ZMYM6: variants seen among roughly 807,000 people sequenced by gnomAD.
ZMYM6 encodes zinc finger MYM-type protein 6.
In ZMYM6, 90 loss-of-function variants were observed where a neutral mutation model predicts 134.0. The observed-to-expected ratio is 0.67, with a 90% CI of 0.57 to 0.80. ZMYM6 has a LOEUF of 0.80. Ranked by LOEUF, ZMYM6 falls within the 30% of genes least tolerant of loss-of-function variation. The pLI is 0.00. For missense variants in ZMYM6, 1,362 were observed against 1,533.9 expected (o/e 0.89, Z 1.87); for synonymous variants, 481 against 524.1 (o/e 0.92, Z 1.12).
chr1:35,017,020 T>TA (rs1255295577), intron 4 of ZMYM6, among the ~76,000 whole-genome samples: 1 of 148,772 alleles, frequency 6.7e-6, no homozygotes, highest in Non-Finnish European at 1.5e-5. Context: ...AAAAAAAAAA[T>TA]CCCCAAACCA....
At chr1:34,997,512 C>A (rs1418538328) in intron 14 of ZMYM6, among the ~76,000 whole-genome samples, 3 of 152,130 alleles carry the variant, frequency 2.0e-5, no homozygotes. Flanking sequence ...ACCATGTTGG[C>A]CAGGCTGGTC....
Position 35,005,273 on chromosome 1 carries a change from C to G in ZMYM6, c.1814-1G>C, listed in dbSNP as rs1296547383. On this transcript the variant is annotated splice_acceptor_variant, in intron 12 of 15. Coordinates refer to ENST00000357182, the MANE Select transcript of ZMYM6 (RefSeq NM_007167.4). LOFTEE classifies it high-confidence loss of function. ...GCAGTTTTTGCTTTAGAAATATTTA[C>G]TGATTAAAATAAAAAGTTAAGATCT... 11 of 1,613,478 alleles carry G rather than the reference C, an allele frequency of 6.8e-6. No homozygotes were observed. Among genetic ancestry groups the G allele is most frequent in the Non-Finnish European group, 9.3e-6 (11 of 1,179,788 alleles).
At position 35,008,122 on chromosome 1, in the gene ZMYM6, A is replaced by C. The variant is rs548882659; in HGVS notation, c.1665+630T>G. 2.4e-3 allele frequency among the ~76,000 whole-genome samples: 369 copies of C among 152,264 alleles called. 1 individual carries two copies. The highest frequency in any genetic ancestry group is 8.5e-3 in the African/African-American group (354 of 41,560). On this transcript the variant is annotated intron_variant, in intron 11 of 15. Transcript: ENST00000357182. ...AGAAAAACAAACAGTGATTTACCAGAGTGTTATAGATGCTGTCTTGCTGTC... is the reference window on the plus strand; with the variant it reads ...AGAAAAACAAACAGTGATTTACCAGCGTGTTATAGATGCTGTCTTGCTGTC...
intron 4 of ZMYM6, among the ~76,000 whole-genome samples, chr1:35,015,648 C>T (rs1452080477): frequency 1.0e-4 from 15 of 143,226 alleles, no homozygotes; most frequent in Non-Finnish European, 1.8e-4. Flanking sequence ...CACTTGAACC[C>T]GGGAGGTGGA....
chr1:35,013,961 A>T (rs910005327), intron 6 of ZMYM6, among the ~76,000 whole-genome samples: 5 of 152,220 alleles, frequency 3.3e-5, no homozygotes, highest in African/African-American at 1.2e-4. Context: ...AAGTGCTGGG[A>T]TTACAGGCGT....
At position 34,999,815 on chromosome 1, in the gene ZMYM6, G is replaced by A. The variant is rs12038428; in HGVS notation, c.1992+4153C>T. Among the ~76,000 whole-genome samples the A allele has an allele frequency of 1.4e-4, 22 of 152,200 alleles. No homozygotes were observed. The East Asian group carries it at 3.9e-3, about 27-fold the overall frequency. Reference sequence around the variant, plus strand: ...ATAACTGTTGGTAGGGATAAAAGTTGGAACAGCCCTAAAAATGAAAATGCT... The same window carrying A: ...ATAACTGTTGGTAGGGATAAAAGTTAGAACAGCCCTAAAAATGAAAATGCT... On this transcript the variant is annotated intron_variant, in intron 14 of 15. Transcript: ENST00000357182.
chr1:34,987,084 G>T lies in ZMYM6; in HGVS notation c.*20C>A. 6.7e-7 allele frequency: 1 copy of T among 1,483,564 alleles called. No homozygotes were observed. The highest frequency in any genetic ancestry group is 9.0e-7 in the Non-Finnish European group (1 of 1,110,266). 91.9% of individuals were successfully genotyped at this position (1,483,564 alleles called of 1,614,324 possible). ...TTAACACAGGATTATTGACTTCACT[G>T]TTAAGCAATGTGCATATTGCTACTC... On this transcript the variant is annotated 3_prime_UTR_variant, in exon 16 of 16. Transcript: ENST00000357182.
chr1:35,019,223 T>C, intron 4 of ZMYM6, 130 bp downstream of exon 4: 1 of 1,338,370 alleles, frequency 7.5e-7, no homozygotes, highest in Non-Finnish European at 1.0e-6. Flanking sequence ...GGTGAATTCT[T>C]CCATTAACTA....
intron 12 of ZMYM6, 54 bp downstream of exon 12, chr1:35,006,897 C>T: frequency 6.8e-7 from 1 of 1,474,776 alleles, no homozygotes; most frequent in African/African-American, 1.4e-5. Flanking sequence ...ACTGTATATG[C>T]TGATAGTGTC....
chr1:35,017,288 C>T (rs1641218817), intron 4 of ZMYM6: 1 of 152,154 alleles, frequency 6.6e-6, no homozygotes, highest in African/African-American at 2.4e-5. Context: ...TAAAACTCAA[C>T]TTTAAAAATA....
At chr1:35,013,936 C>T (rs1481689877) in intron 6 of ZMYM6, among the ~76,000 whole-genome samples, 4 of 152,150 alleles carry the variant, frequency 2.6e-5, no homozygotes, top group East Asian at 3.9e-4. Context: ...GTGATCCACC[C>T]GCCTTGACCT....
chr1:35,001,574 TA>T (rs1329116933), intron 14 of ZMYM6, among the ~76,000 whole-genome samples: 4 of 152,286 alleles, frequency 2.6e-5, no homozygotes, highest in African/African-American at 7.2e-5. Context: ...TTTTTATGAA[TA>T]CATGTTAATA....
chr1:34,992,236 G>A lies in ZMYM6; in HGVS notation c.2144C>T (p.Thr715Ile). 1 of 1,613,960 alleles carries A rather than the reference G, an allele frequency of 6.2e-7. No individual in the cohort carries two copies. The highest frequency in any genetic ancestry group is 8.5e-7 in the Non-Finnish European group (1 of 1,179,902). ...KPHTQHKECQTDLPMPNEKND... is the reference protein window; with the variant it reads ...KPHTQHKECQIDLPMPNEKND... ...TGGGAACGCACAAGGATACATACCT[G>A]TCTGACATTCTTTGTGCTGTGTATG... The change falls in exon 15 of 16, where the codon ACA becomes ATA. Residue 715 changes from threonine (T) to isoleucine (I), a missense_variant and splice_region_variant. Physicochemically the swap from Thr to Ile is moderately conservative, Grantham distance 89 (BLOSUM62 -1). Transcript: ENST00000357182.
chr1:35,024,826 A>G (rs1641377965), intron 2 of ZMYM6, among the ~76,000 whole-genome samples: 1 of 151,612 alleles, frequency 6.6e-6, no homozygotes, highest in Non-Finnish European at 1.5e-5. Context: ...TATGCTCCCA[A>G]TGCACCTCAC....
rs781065682 is a variant in ZMYM6, at chr1:34,987,496, G to T, written c.3586C>A (p.Gln1196Lys). The change falls in exon 16 of 16, where the codon CAA becomes AAA. Residue 1196 changes from glutamine (Q) to lysine (K), a missense_variant. Transcript: ENST00000357182. ...IIFEHLEGLS[Q>K]VFSDCFPPEQ... ...GGTGGAAAACAGTCACTGAACACTTGAGAAAGTCCTTCCAGGTGCTCAAAA... is the reference window on the plus strand; with the variant it reads ...GGTGGAAAACAGTCACTGAACACTTTAGAAAGTCCTTCCAGGTGCTCAAAA... 3.7e-6 allele frequency: 6 copies of T among 1,613,036 alleles called. No homozygotes were observed. In the African/African-American group the frequency reaches 8.0e-5, roughly 22 times the overall value.
intron 1 of ZMYM6, 128 bp downstream of exon 1, chr1:35,031,687 C>G (rs1471403955): frequency 6.6e-6 from 1 of 152,294 alleles, no homozygotes; most frequent in Admixed American, 6.5e-5. Flanking sequence ...GTCAACGCGT[C>G]CCTAAGGCGA....
In ZMYM6 at chr1:34,991,779, C is replaced by T. The variant is rs1378443958; in HGVS notation, c.2146+455G>A. ...GAGTGAAACTCCATCTCAAAAAAAA[C>T]AAACAAACAAACAAAAAAAAACCCA... On this transcript the variant is annotated intron_variant, in intron 15 of 15. Transcript: ENST00000357182. Among the ~76,000 whole-genome samples the T allele has an allele frequency of 4.6e-5, 7 of 151,604 alleles. No individual in the cohort carries two copies. In the East Asian group the frequency reaches 1.4e-3, roughly 29 times the overall value.
At chr1:35,000,501 A>C (rs947867556) in intron 14 of ZMYM6, among the ~76,000 whole-genome samples, 8 of 152,126 alleles carry the variant, frequency 5.3e-5, no homozygotes, top group African/African-American at 1.7e-4. Context: ...GGCCTCCCAA[A>C]GTGCTGGGAT....
chr1:34,995,628 A>C (rs970017760), intron 14 of ZMYM6, among the ~76,000 whole-genome samples: 1 of 152,118 alleles, frequency 6.6e-6, no homozygotes, highest in African/African-American at 2.4e-5. Context: ...GGTAGTACAC[A>C]CAGTGTGGAT....
Sources: allele counts gnomAD v4.1 joint callset (sites outside exome capture counted in the v4.1 genomes callset), GRCh38; gene constraint gnomAD v4.1.1; transcripts MANE v1.5; gene names NCBI Gene and HGNC (gene_info 2026-07-23, HGNC 2026-07-21).